The following PTPRU variants were observed in gnomAD, a reference collection of about 807,000 sequenced individuals.
The protein encoded by PTPRU is protein tyrosine phosphatase receptor type U.
PTPRU carries 69 observed loss-of-function variants against 166.3 expected under a neutral mutation model. The ratio of observed to expected loss-of-function variants is 0.41; its 90% CI spans 0.34 to 0.51. The LOEUF (loss-of-function observed/expected upper bound fraction) is 0.51, where lower values mean the gene tolerates loss of function less well. PTPRU is among the 20% of genes least tolerant of loss of function. PTPRU has a pLI of 0.09. For synonymous variants in PTPRU, 793 were observed against 814.0 expected (o/e 0.97, Z 0.44); for missense variants, 1,657 against 2,013.7 (o/e 0.82, Z 3.39).
rs773507256 is a variant in PTPRU, at chr1:29,260,710, C to T, written c.951C>T (p.Ile317=). The change falls in exon 7 of 30, where the codon ATC becomes ATT. Residue 317 remains isoleucine, a synonymous_variant. Coordinates refer to ENST00000373779, the MANE Select transcript of PTPRU (RefSeq NM_133178.4). The surrounding 1 kb of genome is among the most constrained non-coding windows in gnomAD (Gnocchi z 8.3). ...NTNSIIGDGP[I]VRKEIEYRMA... is the part of the protein sequence containing the mutation. ...ACTCCATCATTGGCGACGGGCCGAT[C>T]GTGCGCAAGGAGATTGAGTACCGCA... 38 of 1,594,992 alleles carry T rather than the reference C, an allele frequency of 2.4e-5. No individual in the cohort carries two copies. The highest frequency in any genetic ancestry group is 3.2e-5 in the Non-Finnish European group (37 of 1,169,438).
At chr1:29,295,351 CTT>C (rs2151959440) in intron 15 of PTPRU, among the ~76,000 whole-genome samples, 1 of 152,154 alleles carries the variant, frequency 6.6e-6, no homozygotes, top group South Asian at 2.1e-4. Flanking sequence ...GGCTAATTCT[CTT>C]TGTTATAAAT....
chr1:29,317,350 C>T lies in PTPRU; in HGVS notation c.3514-398C>T, dbSNP rs993547119. On this transcript the variant is annotated intron_variant, in intron 24 of 29. Coordinates refer to ENST00000373779, the MANE Select transcript of PTPRU (RefSeq NM_133178.4). The surrounding 1 kb of genome is among the most constrained non-coding windows in gnomAD (Gnocchi z 5.6). ...GTTTCAGGGGTTGCCTCAGTGAAGG[C>T]ACTGGTCAGCTAGTAAAGTTCCTCA... Among the ~76,000 whole-genome samples, 1 of 152,124 alleles carries T rather than the reference C, an allele frequency of 6.6e-6. No homozygotes were observed. Among genetic ancestry groups the T allele is most frequent in the Non-Finnish European group, 1.5e-5 (1 of 68,018 alleles).
At chr1:29,310,849 G>C in intron 19 of PTPRU, 69 bp downstream of exon 19, 4 of 1,529,146 alleles carry the variant, frequency 2.6e-6, no homozygotes, top group Non-Finnish European at 3.6e-6. Flanking sequence ...CCCTCAGCTT[G>C]CCTTTCTGCC....
Position 29,260,114 on chromosome 1 carries a change from C to CGAGGGGGGGGG in PTPRU, c.850+70_850+71insGAGGGGGGGGG. 1.6e-6 allele frequency: 2 copies of CGAGGGGGGGGG among 1,281,974 alleles called. No homozygotes were observed. Among genetic ancestry groups the CGAGGGGGGGGG allele is most frequent in the East Asian group, 6.5e-5 (2 of 30,922 alleles). 79.4% of individuals were successfully genotyped at this position (1,281,974 alleles called of 1,614,324 possible). On this transcript the variant is annotated intron_variant, in intron 6 of 29. Coordinates refer to ENST00000373779, the MANE Select transcript of PTPRU (RefSeq NM_133178.4). This position sits in a 1 kb window ranked among gnomAD's most constrained non-coding sequence, Gnocchi z 8.3. ...GGGCGGGGCCGGCGACGGGGGCGGG[C>CGAGGGGGGGGG]TCTGCCCGGGGGCGTGGCCGTGGGG...
intron 17 of PTPRU, 147 bp downstream of exon 17, chr1:29,304,996 T>C: frequency 1.5e-6 from 1 of 666,738 alleles, no homozygotes; most frequent in Non-Finnish European, 2.6e-6. Flanking sequence ...CGTCACGCCC[T>C]GTGCTTGTTT....
chr1:29,284,116 G>T, intron 13 of PTPRU, 140 bp downstream of exon 13: 1 of 1,052,746 alleles, frequency 9.5e-7, no homozygotes. Context: ...GGGGCTTCCT[G>T]CTGGGTTTCC....
chr1:29,319,497 C>T (rs753785071), intron 25 of PTPRU, among the ~76,000 whole-genome samples: 11 of 152,166 alleles, frequency 7.2e-5, no homozygotes, highest in East Asian at 1.9e-4. Flanking sequence ...GCCCTGAACT[C>T]GTCAGTGAGG....
Position 29,260,146 on chromosome 1 carries a change from G to GC in PTPRU, c.850+104dup. 1 of 1,180,164 alleles carries GC rather than the reference G, an allele frequency of 8.5e-7. No individual in the cohort carries two copies. The highest frequency in any genetic ancestry group is 3.1e-4 in the Middle Eastern group (1 of 3,268). 73.1% of individuals were successfully genotyped at this position (1,180,164 alleles called of 1,614,324 possible). A position where few individuals can be genotyped will look rare whatever the true frequency, so the allele number is the denominator to read the frequency against. Reference sequence around the variant, plus strand: ...CGGGGGCGTGGCCGTGGGGGGTGGGGCCGGCAGGGTGTCGCTGGGGCGCTA... The same window carrying GC: ...CGGGGGCGTGGCCGTGGGGGGTGGGGCCCGGCAGGGTGTCGCTGGGGCGCTA... On this transcript the variant is annotated intron_variant, in intron 6 of 29. Coordinates refer to ENST00000373779, the MANE Select transcript of PTPRU (RefSeq NM_133178.4). This position sits in a 1 kb window ranked among gnomAD's most constrained non-coding sequence, Gnocchi z 8.3.
At position 29,317,022 on chromosome 1, in the gene PTPRU, G is replaced by A. The variant is rs569306740; in HGVS notation, c.3514-726G>A. 1.3e-3 allele frequency among the ~76,000 whole-genome samples: 192 copies of A among 152,292 alleles called. No homozygotes were observed. Among genetic ancestry groups the A allele is most frequent in the Non-Finnish European group, 2.3e-3 (156 of 68,030 alleles). On this transcript the variant is annotated intron_variant, in intron 24 of 29. Coordinates refer to ENST00000373779, the MANE Select transcript of PTPRU (RefSeq NM_133178.4). This position sits in a 1 kb window ranked among gnomAD's most constrained non-coding sequence, Gnocchi z 5.6. ...CTGCAGTGGCTCAGCAGGATGGCAC[G>A]TGCTGGGGACCTGGCACTTCTCACA...
intron 18 of PTPRU, among the ~76,000 whole-genome samples, chr1:29,310,345 G>C (rs942997253): frequency 1.3e-5 from 2 of 152,040 alleles, no homozygotes; most frequent in East Asian, 1.9e-4. Flanking sequence ...GTTATCCCAC[G>C]TGTGGGATCT....
chr1:29,281,889 C>T (rs1047616931), intron 11 of PTPRU, among the ~76,000 whole-genome samples: 1 of 152,220 alleles, frequency 6.6e-6, no homozygotes, highest in Non-Finnish European at 1.5e-5. Context: ...TTAAATTTGT[C>T]AGGATTCACT....
At position 29,237,573 on chromosome 1, in the gene PTPRU, G is replaced by T. The variant is rs1338043429; in HGVS notation, c.73+856G>T. 6.6e-6 allele frequency among the ~76,000 whole-genome samples: 1 copy of T among 151,154 alleles called. No homozygotes were observed. Among genetic ancestry groups the T allele is most frequent in the Non-Finnish European group, 1.5e-5 (1 of 67,692 alleles). On this transcript the variant is annotated intron_variant, in intron 1 of 29. Coordinates refer to ENST00000373779, the MANE Select transcript of PTPRU (RefSeq NM_133178.4). The surrounding 1 kb of genome is among the most constrained non-coding windows in gnomAD (Gnocchi z 6.4). ...GACGTGTGTGCGCGCGTGTGCGTGTGCGCGTGTGTGGCGCGCTGGGCCGGA... is the reference window on the plus strand; with the variant it reads ...GACGTGTGTGCGCGCGTGTGCGTGTTCGCGTGTGTGGCGCGCTGGGCCGGA...
chr1:29,319,874 G>T (rs1046879305), intron 25 of PTPRU, among the ~76,000 whole-genome samples: 4 of 152,084 alleles, frequency 2.6e-5, no homozygotes, highest in Non-Finnish European at 5.9e-5. Flanking sequence ...GGCAGGGCAG[G>T]TCACCAGGGG....
Position 29,291,956 on chromosome 1 carries a change from C to G in PTPRU, c.2406C>G (p.Asp802Glu). The G allele has an allele frequency of 1.9e-6, 3 of 1,614,190 alleles. No individual in the cohort carries two copies. The highest frequency in any genetic ancestry group is 2.5e-6 in the Non-Finnish European group (3 of 1,180,032). Reference protein sequence around the residue: ...MMSAVDRSFTDQSTLQEDERL... With the variant: ...MMSAVDRSFTEQSTLQEDERL... ...GCGCCGTGGACCGCAGCTTCACAGA[C>G]CAGAGCACCCTGCAGGAGGACGAGC... is the stretch of plus-strand genomic sequence containing the variant. The change falls in exon 15 of 30, where the codon GAC (aspartate) becomes GAG (glutamate). Residue 802 changes from aspartate (D) to glutamate (E), a missense_variant. Asp to Glu is a conservative substitution (Grantham distance 45). Around this residue, in one of 3 missense-constraint regions of PTPRU, gnomAD observed 1,190 missense variants for 1,477.4 expected, o/e 0.81. Coordinates refer to ENST00000373779, the MANE Select transcript of PTPRU (RefSeq NM_133178.4). The surrounding 1 kb of genome is among the most constrained non-coding windows in gnomAD (Gnocchi z 4.1).
chr1:29,270,167 A>G (rs142686891), intron 7 of PTPRU, among the ~76,000 whole-genome samples: 1 of 152,292 alleles, frequency 6.6e-6, no homozygotes, highest in Non-Finnish European at 1.5e-5. Flanking sequence ...TCTCATGTTA[A>G]TGCACACATG....
chr1:29,318,664 G>A (rs746093167), intron 25 of PTPRU, among the ~76,000 whole-genome samples: 26 of 152,184 alleles, frequency 1.7e-4, no homozygotes, highest in Non-Finnish European at 3.1e-4. Flanking sequence ...TTGGTGGGCC[G>A]CTCCTTCACC....
intron 14 of PTPRU, among the ~76,000 whole-genome samples, chr1:29,288,507 G>T (rs148192257): frequency 1.4e-3 from 214 of 152,258 alleles, no homozygotes; most frequent in Non-Finnish European, 2.4e-3. Context: ...TTCTTCAGCC[G>T]TGTCCTCCCT....
chr1:29,283,637 C>T (rs1686204671), intron 12 of PTPRU: 1 of 436,972 alleles, frequency 2.3e-6, no homozygotes, highest in Non-Finnish European at 4.1e-6. Context: ...TTTCTGACTT[C>T]CTAGCTGGAC....
At chr1:29,258,947 T>A (rs114213466) in intron 3 of PTPRU, among the ~76,000 whole-genome samples, 171 bp downstream of exon 3, 7 of 152,300 alleles carry the variant, frequency 4.6e-5, no homozygotes, top group African/African-American at 1.7e-4. Context: ...GGGTTCAGCA[T>A]CTGAGGTCAT....
Sources: gnomAD v4.1 joint callset for allele counts (sites outside exome capture counted in the v4.1 genomes callset) on GRCh38, gnomAD v4.1.1 for gene constraint, gnomAD v4.1.1 regional missense constraint, Gnocchi (gnomAD v3.1) non-coding constraint, MANE v1.5 for transcripts, NCBI Gene and HGNC (gene_info 2026-07-23, HGNC 2026-07-21) for gene names.